Variants in C5orf24 observed in about 807,000 individuals in gnomAD.
C5orf24 encodes UPF0461 protein C5orf24.
Under a neutral mutation model 9.8 loss-of-function variants are expected in C5orf24, and 4 were observed. That is an observed-to-expected ratio of 0.41 (90% confidence interval 0.20 to 0.93). C5orf24 has a LOEUF of 0.93. Among genes scored for constraint, C5orf24 ranks in the 40% least tolerant of loss-of-function variants. C5orf24 has a pLI of 0.33. For missense variants in C5orf24, 170 were observed against 236.9 expected, an observed-to-expected ratio of 0.72 and a Z score of 1.85; for synonymous variants, 73 against 81.3, an observed-to-expected ratio of 0.90 and a Z score of 0.55.
intron 1 of C5orf24, among the ~76,000 whole-genome samples, chr5:134,851,046 C>T (rs750169759): frequency 1.2e-4 from 18 of 150,720 alleles, no homozygotes; most frequent in Admixed American, 8.0e-4. Context: ...TTGTTACCCT[C>T]CTGGTAAGTC....
rs1470553292 is a variant in C5orf24, at chr5:134,859,489, C to G, written c.*4022C>G. 1 of 166,816 alleles carries G rather than the reference C, an allele frequency of 6.0e-6. No individual in the cohort carries two copies. Among genetic ancestry groups the G allele is most frequent in the Non-Finnish European group, 1.5e-5 (1 of 68,078 alleles). 10.3% of individuals were successfully genotyped at this position (166,816 alleles called of 1,614,324 possible). A position where few individuals can be genotyped will look rare whatever the true frequency, so the allele number is the denominator to read the frequency against. On this transcript the variant is annotated 3_prime_UTR_variant, in exon 2 of 2. Coordinates refer to ENST00000394976, the MANE Select transcript of C5orf24 (RefSeq NM_001135586.1). Reference sequence around the variant, plus strand: ...TTAAAGTAATCAGATCACTTTGATTCTTTTAAGTTTTCAGAATTTCTTTTT... The same window carrying G: ...TTAAAGTAATCAGATCACTTTGATTGTTTTAAGTTTTCAGAATTTCTTTTT...
Position 134,857,315 on chromosome 5 carries a change from CTGAT to C in C5orf24, c.*1851_*1854del. On this transcript the variant is annotated 3_prime_UTR_variant, in exon 2 of 2. Transcript: ENST00000394976. ...TTTGGGCTTGCTATTAATGCAAACT[CTGAT>C]TGCAAATGGATGTCATGTTTCATAC... 1 of 1,535,210 alleles carries C rather than the reference CTGAT, an allele frequency of 6.5e-7. No individual in the cohort carries two copies. Among genetic ancestry groups the C allele is most frequent in the Non-Finnish European group, 8.8e-7 (1 of 1,137,388 alleles).
chr5:134,845,192 C>A (rs1755960920), upstream of C5orf24, among the ~76,000 whole-genome samples: 1 of 152,184 alleles, frequency 6.6e-6, no homozygotes, highest in African/African-American at 2.4e-5. Context: ...TCCTTTCTTT[C>A]CTACTGGCAG....
the C5orf24 span, among the ~76,000 whole-genome samples, chr5:134,833,809 CTA>C: frequency 2.6e-5 from 4 of 152,150 alleles, no homozygotes; most frequent in African/African-American, 7.2e-5. Context: ...GGTTTAGCTG[CTA>C]TGTGTGTGTG....
At chr5:134,841,019 C>A (rs1755884120), upstream of C5orf24, among the ~76,000 whole-genome samples, 1 of 152,112 alleles carries the variant, frequency 6.6e-6, no homozygotes, top group South Asian at 2.1e-4. Context: ...CGGCCCCAGG[C>A]AAACAAAAAC....
chr5:134,846,048 C>A lies in C5orf24; in HGVS notation c.-168C>A, dbSNP rs1239114504. 3.3e-5 allele frequency: 5 copies of A among 152,380 alleles called. No individual in the cohort carries two copies. The highest frequency in any genetic ancestry group is 5.9e-5 in the Non-Finnish European group (4 of 68,172). 9.4% of individuals were successfully genotyped at this position (152,380 alleles called of 1,614,324 possible). On this transcript the variant is annotated 5_prime_UTR_variant, in exon 1 of 2. Transcript: ENST00000394976. ...CGGCGGCCGCGGCGGGTGCTGGGAG[C>A]CAGCGCCTGCCTCGCCGCCGCCCTC...
In C5orf24 at chr5:134,848,691, G is replaced by C. The variant is rs560188517; in HGVS notation, c.-4+2479G>C. On this transcript the variant is annotated intron_variant, in intron 1 of 1. Coordinates refer to ENST00000394976, the MANE Select transcript of C5orf24 (RefSeq NM_001135586.1). ...AAAAAAAAAAAAAAAGCCGGGCGTG[G>C]TGCCTCACGCCTGTAATCCCAACAC... Among the ~76,000 whole-genome samples the C allele has an allele frequency of 2.0e-5, 3 of 148,490 alleles. No homozygotes were observed. The East Asian group carries it at 6.0e-4, about 29-fold the overall frequency.
chr5:134,850,259 C>T (rs1756119441), intron 1 of C5orf24, among the ~76,000 whole-genome samples: 1 of 152,002 alleles, frequency 6.6e-6, no homozygotes, highest in African/African-American at 2.4e-5. Context: ...AGCGATTCTC[C>T]TGCCTCAGCG....
chr5:134,854,517 A>G (rs1756255652), intron 1 of C5orf24, among the ~76,000 whole-genome samples: 1 of 152,262 alleles, frequency 6.6e-6, no homozygotes, highest in Non-Finnish European at 1.5e-5. Flanking sequence ...GAAAAAAAGA[A>G]TTGTGTTAAT....
chr5:134,835,519 C>T, the C5orf24 span, among the ~76,000 whole-genome samples: 3 of 151,812 alleles, frequency 2.0e-5, no homozygotes, highest in African/African-American at 4.8e-5. Flanking sequence ...TGGTGGCATA[C>T]GCCTATAATC....
rs187591821 is a variant in C5orf24, at chr5:134,853,864, C to T, written c.-3-1034C>T. On this transcript the variant is annotated intron_variant, in intron 1 of 1. Coordinates refer to ENST00000394976, the MANE Select transcript of C5orf24 (RefSeq NM_001135586.1). ...GTGGAAGGCCGAGGCGGGCAGATCA[C>T]GAGGTCAGGAGTTCGAGACCAGCCT... Among the ~76,000 whole-genome samples, 460 of 152,274 alleles carry T rather than the reference C, an allele frequency of 3.0e-3. 2 individuals are homozygous for T. Among genetic ancestry groups the T allele is most frequent in the African/African-American group, 0.011 (442 of 41,562 alleles).
chr5:134,848,744 T>G (rs1756068806), intron 1 of C5orf24, among the ~76,000 whole-genome samples: 1 of 148,230 alleles, frequency 6.7e-6, no homozygotes. Context: ...GCGGATCACC[T>G]GAGGTCAGGA....
At position 134,848,777 on chromosome 5, in the gene C5orf24, A is replaced by G. The variant is rs192729622; in HGVS notation, c.-4+2565A>G. 2.1e-3 allele frequency among the ~76,000 whole-genome samples: 322 copies of G among 151,038 alleles called. 2 individuals are homozygous for G. The highest frequency in any genetic ancestry group is 7.5e-3 in the African/African-American group (307 of 41,142). ...GGAGTTCGAGACCAGCCTGACTAAC[A>G]TGGTGAAACGTCGTCTCTACCGAAA... On this transcript the variant is annotated intron_variant, in intron 1 of 1. Coordinates refer to ENST00000394976, the MANE Select transcript of C5orf24 (RefSeq NM_001135586.1).
chr5:134,852,564 CTG>C (rs1458549560), intron 1 of C5orf24, among the ~76,000 whole-genome samples: 4 of 152,200 alleles, frequency 2.6e-5, no homozygotes, highest in African/African-American at 7.2e-5. Flanking sequence ...CTAGGAGTAA[CTG>C]TTTTCATAAC....
chr5:134,855,168 C>T lies in C5orf24; in HGVS notation c.268C>T (p.Arg90Cys). 6.2e-7 allele frequency: 1 copy of T among 1,614,150 alleles called. No homozygotes were observed. The highest frequency in any genetic ancestry group is 8.5e-7 in the Non-Finnish European group (1 of 1,180,026). Residue 90 changes from arginine to cysteine, a missense_variant, in exon 2 of 2, where the codon CGT (arginine) becomes TGT (cysteine). Coordinates refer to ENST00000394976, the MANE Select transcript of C5orf24 (RefSeq NM_001135586.1). ...GAAGAATCTCAACCGATCTGGTAAG[C>T]GTGGCCGGCCTTCGGGAACCACCAA... is the stretch of plus-strand genomic sequence containing the variant. ...KKKNLNRSGKRGRPSGTTKSA... is the reference protein window; with the variant it reads ...KKKNLNRSGKCGRPSGTTKSA...
intron 1 of C5orf24, among the ~76,000 whole-genome samples, chr5:134,848,448 G>T (rs1186541463): frequency 2.6e-5 from 4 of 151,782 alleles, no homozygotes; most frequent in African/African-American, 4.8e-5. Context: ...CCTGAACTCG[G>T]GAGTTTGAGA....
At chr5:134,841,141 G>A (rs1191552758), upstream of C5orf24, among the ~76,000 whole-genome samples, 4 of 152,042 alleles carry the variant, frequency 2.6e-5, no homozygotes, top group Admixed American at 6.5e-5. Context: ...CCTCTACATC[G>A]TAGAAGGGCC....
In C5orf24 at chr5:134,855,717, T is replaced by C. The variant is rs530098579; in HGVS notation, c.*250T>C. ...AACTAAATCATTTTTCCTTTTCCTT[T>C]AGAGTTATGGTCATGTCTCATGTTT... On this transcript the variant is annotated 3_prime_UTR_variant, in exon 2 of 2. Coordinates refer to ENST00000394976, the MANE Select transcript of C5orf24 (RefSeq NM_001135586.1). The C allele has an allele frequency of 1.4e-5, 19 of 1,367,466 alleles. No homozygotes were observed. The South Asian group carries it at 2.8e-4, about 20-fold the overall frequency. The allele number at this position is 1,367,466 out of a possible 1,614,324, so 84.7% of individuals were successfully genotyped here. A position where few individuals can be genotyped will look rare whatever the true frequency, so the allele number is the denominator to read the frequency against.
upstream of C5orf24, chr5:134,845,575 G>C (rs1000037532): frequency 2.6e-5 from 4 of 152,198 alleles, no homozygotes; most frequent in East Asian, 1.9e-4. Context: ...CCTGTAATCT[G>C]CGTGGATCAT....
Sources: allele counts gnomAD v4.1 joint callset (sites outside exome capture counted in the v4.1 genomes callset), GRCh38; gene constraint gnomAD v4.1.1; transcripts MANE v1.5; gene names NCBI Gene and HGNC (gene_info 2026-07-23, HGNC 2026-07-21).